NAGPA: variants seen among roughly 807,000 people sequenced by gnomAD.
The protein encoded by NAGPA is N-acetylglucosamine-1-phosphodiester alpha-N-acetylglucosaminidase, also known as alpha-N-acetylglucosaminyl phosphodiesterase.
NAGPA carries 56 observed loss-of-function variants against 48.5 expected under a neutral mutation model. That is an observed-to-expected ratio of 1.15 (90% CI 0.93 to 1.44). The LOEUF (loss-of-function observed/expected upper bound fraction) is 1.44. Among genes scored for constraint, NAGPA ranks in the 40% most tolerant of loss-of-function variants. The pLI, the probability that NAGPA is intolerant of heterozygous loss-of-function variation, is 0.00. For missense variants in NAGPA, 888 were observed against 735.0 expected, an observed-to-expected ratio of 1.21 and a Z score of -2.41; for synonymous variants, 399 against 315.5, an observed-to-expected ratio of 1.26 and a Z score of -2.81.
Position 5,028,975 on chromosome 16 carries a change from C to T in NAGPA, c.825G>A (p.Leu275=), listed in dbSNP as rs1330690885. 2.5e-6 allele frequency: 4 copies of T among 1,613,906 alleles called. No homozygotes were observed. Among genetic ancestry groups the T allele is most frequent in the Non-Finnish European group, 3.4e-6 (4 of 1,180,046 alleles). The change falls in exon 5 of 10, where the codon CTG becomes CTA. Residue 275 remains leucine (L), a synonymous_variant. Coordinates refer to ENST00000312251, the MANE Select transcript of NAGPA (RefSeq NM_016256.4). ...TGATGGCGTTGACCACGTCCTGTTTCAGCAGGAACTCCGCCATTTCCCACA... is the reference window on the plus strand; with the variant it reads ...TGATGGCGTTGACCACGTCCTGTTTTAGCAGGAACTCCGCCATTTCCCACA... ...INLWEMAEFL[L]KQDVVNAINL...
chr16:5,031,403 A>T (rs1956094096), intron 3 of NAGPA: 2 of 346,808 alleles, frequency 5.8e-6, no homozygotes, highest in South Asian at 4.8e-5. Flanking sequence ...GGGCTTTGAA[A>T]CAAGCTCCTG....
intron 9 of NAGPA, among the ~76,000 whole-genome samples, chr16:5,026,489 G>A (rs1005301891): frequency 1.3e-5 from 2 of 151,742 alleles, no homozygotes; most frequent in Non-Finnish European, 2.9e-5. Context: ...AGCTGAGATC[G>A]CACCACTGCA....
At chr16:5,029,138 G>C in intron 4 of NAGPA, 130 bp from the exon 5 acceptor site, 1 of 1,477,092 alleles carries the variant, frequency 6.8e-7, no homozygotes, top group Non-Finnish European at 9.3e-7. Flanking sequence ...CCGCCCCCAA[G>C]CATGTCTCAT....
Position 5,033,867 on chromosome 16 carries a change from G to C in NAGPA, c.48C>G (p.Phe16Leu). 1 of 1,549,444 alleles carries C rather than the reference G, an allele frequency of 6.5e-7. No homozygotes were observed. Among genetic ancestry groups the C allele is most frequent in the Non-Finnish European group, 8.7e-7 (1 of 1,147,016 alleles). The change falls in exon 1 of 10, where the codon TTC becomes TTG. Residue 16 changes from phenylalanine (F) to leucine (L), a missense_variant. Coordinates refer to ENST00000312251, the MANE Select transcript of NAGPA (RefSeq NM_016256.4). The surrounding 1 kb of genome is among the most constrained non-coding windows in gnomAD (Gnocchi z 4.2). ...CGCCGGACGCTTCCCAGAGGAAGCC[G>C]AATAGTGCAAGCCGGAGGAGAAGCC... ...GRWLLLRLAL[F>L]GFLWEASGGL... is the part of the protein sequence containing the mutation.
In NAGPA at chr16:5,025,474, G is replaced by C; in HGVS notation, c.*4C>G. ...CGACGTGCCACCCCGGGCAGCTTGA[G>C]GCTTCAGTCCTTGAAGGGGTTGTGG... On this transcript the variant is annotated 3_prime_UTR_variant, in exon 10 of 10. Coordinates refer to ENST00000312251, the MANE Select transcript of NAGPA (RefSeq NM_016256.4). 2.5e-6 allele frequency: 4 copies of C among 1,611,824 alleles called. No homozygotes were observed. The highest frequency in any genetic ancestry group is 3.4e-6 in the Non-Finnish European group (4 of 1,179,830).
intron 4 of NAGPA, 68 bp from the exon 5 acceptor site, chr16:5,029,076 TCCACAGTGCAGAGCATCACGC>T (rs1956057215): frequency 1.9e-6 from 3 of 1,601,362 alleles, no homozygotes; most frequent in Admixed American, 1.7e-5. Context: ...TCCTTTTCCT[TCCACAGTGCAGAGCATCACGC>T]CCACAGTGCA....
chr16:5,028,925 G>A lies in NAGPA; in HGVS notation c.875C>T (p.Thr292Ile). The change falls in exon 5 of 10, where the codon ACC (threonine) becomes ATC (isoleucine). Residue 292 changes from threonine to isoleucine, a missense_variant. Coordinates refer to ENST00000312251, the MANE Select transcript of NAGPA (RefSeq NM_016256.4). ...GGCCAAGGTCCCGTTGAGCACAAAG[G>A]TGGCAGAGCCACCCCCATCCAGGTT... ...AINLDGGGSA[T>I]FVLNGTLASY... The A allele has an allele frequency of 5.0e-6, 8 of 1,614,104 alleles. No individual in the cohort carries two copies. The highest frequency in any genetic ancestry group is 6.8e-6 in the Non-Finnish European group (8 of 1,180,040).
chr16:5,028,360 G>T, intron 5 of NAGPA, 175 bp from the exon 6 acceptor site: 1 of 1,269,604 alleles, frequency 7.9e-7, no homozygotes, highest in Non-Finnish European at 1.1e-6. Context: ...CGAGCCTCCT[G>T]AGCAGCTGTA....
At chr16:5,026,741 A>G (rs1390062672) in intron 9 of NAGPA, among the ~76,000 whole-genome samples, 1 of 152,162 alleles carries the variant, frequency 6.6e-6, no homozygotes, top group Non-Finnish European at 1.5e-5. Context: ...AAAAAACAGT[A>G]AGAAATAAAA....
chr16:5,029,032 C>T (rs763590846), intron 4 of NAGPA, 24 bp from the exon 5 acceptor site: 1 of 1,611,028 alleles, frequency 6.2e-7, no homozygotes, highest in Non-Finnish European at 8.5e-7. Context: ...CGGCGCTGCT[C>T]AGGCTCAGCG....
intron 2 of NAGPA, among the ~76,000 whole-genome samples, 159 bp from the exon 3 acceptor site, chr16:5,032,043 A>G (rs767585735): frequency 2.6e-5 from 4 of 152,148 alleles, no homozygotes; most frequent in Non-Finnish European, 5.9e-5. Flanking sequence ...TAACAGCCCT[A>G]GGAATCTCCC....
intron 4 of NAGPA, 160 bp downstream of exon 4, chr16:5,030,208 TCGGCAAAGATCTCAGAA>T: frequency 1.6e-6 from 1 of 645,018 alleles, no homozygotes; most frequent in South Asian, 1.8e-5. Flanking sequence ...GTTCTTGGAA[TCGGCAAAGATCTCAGAA>T]CCCTCATCCT....
chr16:5,028,448 T>A, intron 5 of NAGPA: 1 of 728,234 alleles, frequency 1.4e-6, no homozygotes, highest in South Asian at 1.5e-5. Context: ...TTGCCCACAC[T>A]GGTCTTAAAC....
chr16:5,029,235 G>A (rs558493830), intron 4 of NAGPA: 328 of 645,556 alleles, frequency 5.1e-4, no homozygotes, highest in Non-Finnish European at 7.9e-4. Context: ...GAGGGGAAAC[G>A]GCCCGGAGGA....
chr16:5,028,085 C>G lies in NAGPA; in HGVS notation c.1021G>C (p.Val341Leu), dbSNP rs752371706. 4.7e-5 allele frequency: 76 copies of G among 1,613,234 alleles called. No individual in the cohort carries two copies. The highest frequency in any genetic ancestry group is 5.8e-5 in the Non-Finnish European group (68 of 1,179,802). The change falls in exon 6 of 10, where the codon GTG becomes CTG. Residue 341 changes from valine (V) to leucine (L), a missense_variant. Physicochemically the swap from Val to Leu is conservative, Grantham distance 32. Coordinates refer to ENST00000312251, the MANE Select transcript of NAGPA (RefSeq NM_016256.4). ...CCGGTGCATTGGCAGTGCCCGTCCA[C>G]GCAGGTCCCGTGGCCGTGGCAGTCA... ...PPDCHGHGTC[V>L]DGHCQCTGHF...
rs367838663 is a variant in NAGPA at position 5,033,850 on chromosome 16, G to C, written c.65C>G (p.Ala22Gly). ...RLALFGFLWE[A>G]SGGLDSGASR... is the part of the protein sequence containing the mutation. Reference sequence around the variant, plus strand: ...TCACCCCGAGTCGAGGCCGCCGGACGCTTCCCAGAGGAAGCCGAATAGTGC... The same window carrying C: ...TCACCCCGAGTCGAGGCCGCCGGACCCTTCCCAGAGGAAGCCGAATAGTGC... Residue 22 changes from alanine to glycine, a missense_variant, in exon 1 of 10, where the codon GCG becomes GGG. Transcript: ENST00000312251. This position sits in a 1 kb window ranked among gnomAD's most constrained non-coding sequence, Gnocchi z 4.2. 1.2e-5 allele frequency: 19 copies of C among 1,549,690 alleles called. No individual in the cohort carries two copies. In the African/African-American group the frequency reaches 2.1e-4, roughly 17 times the overall value.
rs762393819 is a variant in NAGPA, at chr16:5,025,557, G to C, written c.1469C>G (p.Pro490Arg). ...RRLHGDYAYH[P>R]LQEMNGEPLA... The stretch of plus-strand genomic sequence containing the variant: ...AGGCTCCCCGTTCATCTCCTGCAGC[G>C]GGTGGTATGCATAGTCCCCATGCAG... The change falls in exon 10 of 10, where the codon CCG (proline) becomes CGG (arginine). Residue 490 changes from proline (P) to arginine (R), a missense_variant. Pro to Arg is a moderately radical substitution (Grantham distance 103). Transcript: ENST00000312251. 1 of 1,613,660 alleles carries C rather than the reference G, an allele frequency of 6.2e-7. No individual in the cohort carries two copies. Among genetic ancestry groups the C allele is most frequent in the Admixed American group, 1.7e-5 (1 of 60,032 alleles).
chr16:5,032,001 C>G (rs1242629500), intron 2 of NAGPA, 117 bp from the exon 3 acceptor site: 52 of 1,340,920 alleles, frequency 3.9e-5, no homozygotes, highest in East Asian at 3.0e-4. Context: ...GCCCCAGGAA[C>G]CTCCTGGGGC....
At chr16:5,027,103 G>A (rs762212802) in intron 9 of NAGPA, 32 bp downstream of exon 9, 32 of 1,612,624 alleles carry the variant, frequency 2.0e-5, no homozygotes, top group Middle Eastern at 1.7e-4. Flanking sequence ...GATTCCTCCC[G>A]CCCTGGCCCC....
Sources: gnomAD v4.1 joint callset for allele counts (sites outside exome capture counted in the v4.1 genomes callset) on GRCh38, gnomAD v4.1.1 for gene constraint, Gnocchi (gnomAD v3.1) non-coding constraint, MANE v1.5 for transcripts, NCBI Gene and HGNC (gene_info 2026-07-23, HGNC 2026-07-21) for gene names.